The following TOMM20L variants were observed in gnomAD, a reference collection of about 807,000 sequenced individuals.
The protein encoded by TOMM20L is translocase of outer mitochondrial membrane 20 like.
In TOMM20L, 19 loss-of-function variants were observed where a neutral mutation model predicts 20.4. The observed-to-expected ratio is 0.93, with a 90% CI of 0.65 to 1.36. The LOEUF is 1.36. TOMM20L is among the 40% of genes most tolerant of loss of function. TOMM20L has a pLI of 0.00. For synonymous variants in TOMM20L, 75 were observed against 79.6 expected (o/e 0.94, Z 0.30); for missense variants, 218 against 203.7 (o/e 1.07, Z -0.43).
chr14:58,415,010 T>A, the TOMM20L span, among the ~76,000 whole-genome samples: 3 of 152,154 alleles, frequency 2.0e-5, no homozygotes, highest in African/African-American at 7.2e-5. Context: ...CCTGCTGTAA[T>A]GTCAGTGGAG....
intron 2 of TOMM20L, among the ~76,000 whole-genome samples, chr14:58,397,084 G>A (rs2035936551): frequency 6.6e-6 from 1 of 152,162 alleles, no homozygotes; most frequent in Non-Finnish European, 1.5e-5. Flanking sequence ...AAAGAGACAA[G>A]GGTGTTCCTA....
Position 58,396,068 on chromosome 14 carries a change from C to A in TOMM20L, c.111C>A (p.Pro37=), listed in dbSNP as rs1320506666. ...TCAACCGGAAGCGGCGCGGGGACCC[C>A]GCGTTCAAGCGCCGCCTGCGGGACA... The part of the protein sequence containing the change: ...IYLNRKRRGD[P]AFKRRLRDKR... Residue 37 remains proline, a synonymous_variant, in exon 1 of 5, where the codon CCC becomes CCA. Coordinates refer to ENST00000360945, the MANE Select transcript of TOMM20L (RefSeq NM_207377.3). 2 of 1,403,430 alleles carry A rather than the reference C, an allele frequency of 1.4e-6. No homozygotes were observed. The highest frequency in any genetic ancestry group is 1.9e-6 in the Non-Finnish European group (2 of 1,074,556). The allele number at this position is 1,403,430 out of a possible 1,614,324, so 86.9% of individuals were successfully genotyped here. A position where few individuals can be genotyped will look rare whatever the true frequency, so the allele number is the denominator to read the frequency against.
chr14:58,413,817 C>T, the TOMM20L span, among the ~76,000 whole-genome samples: 17 of 151,076 alleles, frequency 1.1e-4, no homozygotes, highest in Non-Finnish European at 7.4e-5. Context: ...ACCATCCTGG[C>T]TAACACAGTG....
chr14:58,396,461 G>C, intron 2 of TOMM20L, 120 bp downstream of exon 2: 1 of 1,087,584 alleles, frequency 9.2e-7, no homozygotes, highest in East Asian at 2.7e-5. Context: ...CCGTGCCCGG[G>C]AAGAGGCCTG....
chr14:58,408,614 G>C lies in TOMM20L; in HGVS notation c.*32G>C, dbSNP rs756825796. ...TTTCAACGTATCCACAGTCCAGTGA[G>C]AATACTATGGTACCATACAGTATAA... On this transcript the variant is annotated 3_prime_UTR_variant, in exon 5 of 5. Coordinates refer to ENST00000360945, the MANE Select transcript of TOMM20L (RefSeq NM_207377.3). The C allele has an allele frequency of 2.5e-6, 4 of 1,596,990 alleles. No individual in the cohort carries two copies. The highest frequency in any genetic ancestry group is 3.4e-6 in the Non-Finnish European group (4 of 1,165,318).
chr14:58,414,757 AAAAG>A, the TOMM20L span, among the ~76,000 whole-genome samples: 1 of 151,942 alleles, frequency 6.6e-6, no homozygotes, highest in African/African-American at 2.4e-5. Context: ...AAAAAGAAAA[AAAAG>A]AAAGAAAGAA....
At chr14:58,404,881 G>T (rs941905295) in intron 3 of TOMM20L, among the ~76,000 whole-genome samples, 27 of 151,942 alleles carry the variant, frequency 1.8e-4, no homozygotes, top group Non-Finnish European at 1.0e-4. Context: ...TGACTTAAAT[G>T]ATTATAAACA....
At chr14:58,415,748 CAAG>C in the TOMM20L span, among the ~76,000 whole-genome samples, 7 of 151,706 alleles carry the variant, frequency 4.6e-5, no homozygotes, top group Non-Finnish European at 1.0e-4. Context: ...CATTAGAGTC[CAAG>C]AAGGAGAGGA....
At chr14:58,408,992 T>C, downstream of TOMM20L, 1 of 1,590,772 alleles carries the variant, frequency 6.3e-7, no homozygotes, top group South Asian at 1.2e-5. Flanking sequence ...ATAAAGCAGC[T>C]GTTGGCAATC....
chr14:58,408,395 T>G (rs2140307735), intron 4 of TOMM20L, 134 bp from the exon 5 acceptor site: 1 of 715,692 alleles, frequency 1.4e-6, no homozygotes, highest in Middle Eastern at 2.5e-4. Flanking sequence ...CCATCCTGGG[T>G]GACGAAAGCA....
At chr14:58,402,885 A>G (rs759814491) in intron 3 of TOMM20L, 124 bp downstream of exon 3, 9 of 698,620 alleles carry the variant, frequency 1.3e-5, no homozygotes, top group Admixed American at 2.4e-5. Flanking sequence ...TTAAAGAAAA[A>G]CTATCCCAGC....
At chr14:58,412,219 T>C, downstream of TOMM20L, 8 of 342,116 alleles carry the variant, frequency 2.3e-5, no homozygotes, top group South Asian at 2.7e-4. Context: ...CTTGGCTCAC[T>C]GCAACCTCTG....
intron 2 of TOMM20L, among the ~76,000 whole-genome samples, chr14:58,399,967 G>A (rs1481932072): frequency 7.6e-6 from 1 of 131,038 alleles, no homozygotes; most frequent in Non-Finnish European, 1.6e-5. Context: ...TGCAACTAAA[G>A]GCTTTTATTA....
intron 2 of TOMM20L, among the ~76,000 whole-genome samples, chr14:58,401,871 T>C (rs2035997716): frequency 6.6e-6 from 1 of 152,162 alleles, no homozygotes; most frequent in African/African-American, 2.4e-5. Flanking sequence ...CCTTTGTCCC[T>C]TTCCTTTTGA....
Position 58,396,038 on chromosome 14 carries a change from T to G in TOMM20L, c.81T>G (p.Ile27Met). ...CCTTCGCCTTCCTGGGCTATTGTAT[T>G]TACCTCAACCGGAAGCGGCGCGGGG... The part of the protein sequence containing the change: ...CGAFAFLGYC[I>M]YLNRKRRGDP... Residue 27 changes from isoleucine (I) to methionine (M), a missense_variant, in exon 1 of 5, where the codon ATT becomes ATG. By Grantham distance (10) the Ile-to-Met change is conservative. Coordinates refer to ENST00000360945, the MANE Select transcript of TOMM20L (RefSeq NM_207377.3). 1.4e-6 allele frequency: 2 copies of G among 1,437,702 alleles called. No individual in the cohort carries two copies. Among genetic ancestry groups the G allele is most frequent in the Non-Finnish European group, 1.8e-6 (2 of 1,090,638 alleles). The allele number at this position is 1,437,702 out of a possible 1,614,324, so 89.1% of individuals were successfully genotyped here.
intron 2 of TOMM20L, among the ~76,000 whole-genome samples, chr14:58,396,583 T>C (rs548769885): frequency 1.3e-5 from 2 of 152,356 alleles, no homozygotes; most frequent in South Asian, 2.1e-4. Context: ...AGCAAAACAC[T>C]GTACAACAGG....
chr14:58,410,803 T>C (rs761769736), downstream of TOMM20L: 1 of 1,420,566 alleles, frequency 7.0e-7, no homozygotes, highest in South Asian at 1.2e-5. Context: ...AGAGTGTTTA[T>C]GAAGGCTTGT....
the TOMM20L span, among the ~76,000 whole-genome samples, chr14:58,416,221 C>T: frequency 3.1e-4 from 47 of 151,858 alleles, no homozygotes; most frequent in African/African-American, 1.1e-3. Flanking sequence ...GAGTGAGACT[C>T]TGTAGCAAAT....
downstream of TOMM20L, among the ~76,000 whole-genome samples, chr14:58,411,632 T>C (rs982748740): frequency 6.6e-6 from 1 of 151,706 alleles, no homozygotes; most frequent in African/African-American, 2.4e-5. Context: ...CTCTGCTTCC[T>C]GGGTCAAGCA....
Sources: gnomAD v4.1 joint callset for allele counts (sites outside exome capture counted in the v4.1 genomes callset) on GRCh38, gnomAD v4.1.1 for gene constraint, MANE v1.5 for transcripts, NCBI Gene and HGNC (gene_info 2026-07-23, HGNC 2026-07-21) for gene names.